The following UROD variants were observed in gnomAD, a reference collection of about 807,000 sequenced individuals.
UROD encodes uroporphyrinogen decarboxylase.
UROD carries 34 observed loss-of-function variants against 47.1 expected under a neutral mutation model. That is an observed-to-expected ratio of 0.72 (90% CI 0.55 to 0.96). UROD has a LOEUF of 0.96. Ranked by LOEUF, UROD falls within the 40% of genes least tolerant of loss-of-function variation. The pLI is 0.00. For missense variants in UROD, 381 were observed against 471.8 expected (o/e 0.81, Z 1.78); for synonymous variants, 148 against 175.8 (o/e 0.84, Z 1.25).
rs748522459 is a variant in UROD at position 45,013,390 on chromosome 1, A to G, written c.276+36A>G. 1.2e-6 allele frequency: 2 copies of G among 1,613,996 alleles called. No individual in the cohort carries two copies. Among genetic ancestry groups the G allele is most frequent in the Admixed American group, 3.3e-5 (2 of 60,024 alleles). On this transcript the variant is annotated intron_variant, in intron 4 of 9. Coordinates refer to ENST00000246337, the MANE Select transcript of UROD (RefSeq NM_000374.5). This position sits in a 1 kb window ranked among gnomAD's most constrained non-coding sequence, Gnocchi z 4.2. ...AAACCTGATCCTAGAATATAATCCA[A>G]GGACGCCTTGAAAATCCTTCTATCA...
chr1:45,014,731 T>C lies in UROD; in HGVS notation c.775-5T>C. 6.2e-7 allele frequency: 1 copy of C among 1,614,216 alleles called. No individual in the cohort carries two copies. Among genetic ancestry groups the C allele is most frequent in the South Asian group, 1.1e-5 (1 of 91,090 alleles). On this transcript the variant is annotated splice_region_variant and splice_polypyrimidine_tract_variant and intron_variant, in intron 7 of 9. Transcript: ENST00000246337. ...CTCTGTAGCCTGAGATCTGCTTTTT[T>C]CTAGATCATCTTTGCTAAGGATGGG...
chr1:45,013,675 C>G lies in UROD; in HGVS notation c.358C>G (p.Arg120Gly), dbSNP rs763913128. 1 of 1,614,170 alleles carries G rather than the reference C, an allele frequency of 6.2e-7. No homozygotes were observed. Among genetic ancestry groups the G allele is most frequent in the Non-Finnish European group, 8.5e-7 (1 of 1,180,040 alleles). Residue 120 changes from arginine to glycine, a missense_variant, in exon 5 of 10, where the codon CGC becomes GGC. Arg to Gly is a moderately radical substitution (Grantham distance 125, BLOSUM62 -2). Transcript: ENST00000246337. The surrounding 1 kb of genome is among the most constrained non-coding windows in gnomAD (Gnocchi z 4.2). ...EPLREEQDLE[R>G]LRDPEVVASE... ...ATTAAGAGAAGAGCAGGACCTAGAA[C>G]GCCTACGGGATCCAGAAGTGGTAGC...
intron 6 of UROD, 27 bp from the exon 7 acceptor site, chr1:45,014,412 T>C (rs1384163659): frequency 1.2e-6 from 2 of 1,613,982 alleles, no homozygotes; most frequent in South Asian, 1.1e-5. Flanking sequence ...GTGTGTTACA[T>C]ATTTTTCTTC....
Position 45,013,609 on chromosome 1 carries a change from G to T in UROD, c.292G>T (p.Val98Leu). The part of the protein sequence containing the change: ...LVVPQALGME[V>L]TMVPGKGPSF... ...CCCCCTCCAGGCACTGGGCATGGAG[G>T]TGACCATGGTACCTGGCAAAGGACC... The change falls in exon 5 of 10, where the codon GTG (valine) becomes TTG (leucine). Residue 98 changes from valine (V) to leucine (L), a missense_variant. By Grantham distance (32) the Val-to-Leu change is conservative. Transcript: ENST00000246337. This position sits in a 1 kb window ranked among gnomAD's most constrained non-coding sequence, Gnocchi z 4.2. 4 of 1,614,120 alleles carry T rather than the reference G, an allele frequency of 2.5e-6. No individual in the cohort carries two copies. Among genetic ancestry groups the T allele is most frequent in the Non-Finnish European group, 3.4e-6 (4 of 1,180,020 alleles).
intron 9 of UROD, 140 bp downstream of exon 9, chr1:45,015,146 C>T (rs1440599890): frequency 6.8e-6 from 10 of 1,471,146 alleles, no homozygotes; most frequent in South Asian, 5.9e-5. Flanking sequence ...AAAGACCGGA[C>T]TTTTTGTTGC....
Position 45,013,560 on chromosome 1 carries a change from A to G in UROD, c.277-34A>G, listed in dbSNP as rs1434630807. ...AACAGAACCTTTCCTCCTGGATTCCATTTTGGGAACCCAGATGTTTTCTCC... is the reference window on the plus strand; with the variant it reads ...AACAGAACCTTTCCTCCTGGATTCCGTTTTGGGAACCCAGATGTTTTCTCC... On this transcript the variant is annotated intron_variant, in intron 4 of 9. Coordinates refer to ENST00000246337, the MANE Select transcript of UROD (RefSeq NM_000374.5). The surrounding 1 kb of genome is among the most constrained non-coding windows in gnomAD (Gnocchi z 4.2). 6.2e-7 allele frequency: 1 copy of G among 1,613,760 alleles called. No individual in the cohort carries two copies. The highest frequency in any genetic ancestry group is 8.5e-7 in the Non-Finnish European group (1 of 1,179,924).
Position 45,013,059 on chromosome 1 carries a change from G to A in UROD, c.133+40G>A, listed in dbSNP as rs757358300. 16 of 1,614,130 alleles carry A rather than the reference G, an allele frequency of 9.9e-6. No homozygotes were observed. The highest frequency in any genetic ancestry group is 2.2e-5 in the East Asian group (1 of 44,886). On this transcript the variant is annotated intron_variant, in intron 2 of 9. Coordinates refer to ENST00000246337, the MANE Select transcript of UROD (RefSeq NM_000374.5). This position sits in a 1 kb window ranked among gnomAD's most constrained non-coding sequence, Gnocchi z 4.2. ...CTGGAAATCTAGATAAAACTCCGGA[G>A]GGAGAAAAGTTTTCGAGGGGCAGGG...
rs756694860 is a variant in UROD at position 45,013,713 on chromosome 1, C to T, written c.396C>T (p.Gly132=). 6.2e-7 allele frequency: 1 copy of T among 1,614,144 alleles called. No homozygotes were observed. Among genetic ancestry groups the T allele is most frequent in the Non-Finnish European group, 8.5e-7 (1 of 1,180,046 alleles). ...CAGAAGTGGTAGCCTCTGAGCTAGG[C>T]TATGTGTTCCAAGCCATCACCCTTA... ...RDPEVVASEL[G]YVFQAITLTR... The change falls in exon 5 of 10, where the codon GGC becomes GGT. Residue 132 remains glycine, a synonymous_variant. Transcript: ENST00000246337. This position sits in a 1 kb window ranked among gnomAD's most constrained non-coding sequence, Gnocchi z 4.2.
chr1:45,013,374 C>T lies in UROD; in HGVS notation c.276+20C>T. 9 of 1,614,140 alleles carry T rather than the reference C, an allele frequency of 5.6e-6. No homozygotes were observed. The highest frequency in any genetic ancestry group is 7.6e-6 in the Non-Finnish European group (9 of 1,180,000). On this transcript the variant is annotated intron_variant, in intron 4 of 9. Transcript: ENST00000246337. This position sits in a 1 kb window ranked among gnomAD's most constrained non-coding sequence, Gnocchi z 4.2. ...CCCCAGGTACCCACTCAAACCTGAT[C>T]CTAGAATATAATCCAAGGACGCCTT...
rs1557734276 is a variant in UROD at position 45,013,406 on chromosome 1, CCTT to C, written c.276+55_276+57del. On this transcript the variant is annotated intron_variant, in intron 4 of 9. Coordinates refer to ENST00000246337, the MANE Select transcript of UROD (RefSeq NM_000374.5). This position sits in a 1 kb window ranked among gnomAD's most constrained non-coding sequence, Gnocchi z 4.2. ...TATAATCCAAGGACGCCTTGAAAAT[CCTT>C]CTATCAGTCCAGTCAAGGTTTACAA... 5 of 1,612,788 alleles carry C rather than the reference CCTT, an allele frequency of 3.1e-6. No homozygotes were observed. Among genetic ancestry groups the C allele is most frequent in the East Asian group, 2.2e-5 (1 of 44,882 alleles).
In UROD at chr1:45,012,299, A is replaced by T; in HGVS notation, c.20+14A>T. 1 of 1,614,126 alleles carries T rather than the reference A, an allele frequency of 6.2e-7. No homozygotes were observed. Among genetic ancestry groups the T allele is most frequent in the Non-Finnish European group, 8.5e-7 (1 of 1,180,018 alleles). ...GAATGGGTTGGGGTGAGTTCTCCAG[A>T]GCACGCGGTGTGGCTAGCCGGGCTT... On this transcript the variant is annotated intron_variant, in intron 1 of 9. Coordinates refer to ENST00000246337, the MANE Select transcript of UROD (RefSeq NM_000374.5).
At chr1:45,012,602 A>T in intron 1 of UROD, 1 of 618,038 alleles carries the variant, frequency 1.6e-6, no homozygotes, top group Non-Finnish European at 2.8e-6. Context: ...GAGGCTCACT[A>T]GTTCGAAGAC....
At position 45,013,223 on chromosome 1, in the gene UROD, G is replaced by T. The variant is rs1346280030; in HGVS notation, c.213+8G>T. ...TGTGAACTGACTCTGCAGGTGAGGG[G>T]TCCACAAAAGAGGGAAAGATTTATG... On this transcript the variant is annotated splice_region_variant and intron_variant, in intron 3 of 9. Transcript: ENST00000246337. The surrounding 1 kb of genome is among the most constrained non-coding windows in gnomAD (Gnocchi z 4.2). 1.9e-6 allele frequency: 3 copies of T among 1,614,088 alleles called. No homozygotes were observed. The highest frequency in any genetic ancestry group is 2.5e-6 in the Non-Finnish European group (3 of 1,180,046).
chr1:45,015,036 T>C (rs1276624622), intron 9 of UROD, 30 bp downstream of exon 9: 1 of 1,612,720 alleles, frequency 6.2e-7, no homozygotes, highest in East Asian at 2.2e-5. Flanking sequence ...TGTGTGTCTG[T>C]TACTGTGCAC....
At position 45,013,874 on chromosome 1, in the gene UROD, G is replaced by A. The variant is rs762628625; in HGVS notation, c.475-35G>A. ...GGTAGACAAAAGGAAGGGTCAGTCTGGCTTCTGTGACACCATCTTTCTATC... is the reference window on the plus strand; with the variant it reads ...GGTAGACAAAAGGAAGGGTCAGTCTAGCTTCTGTGACACCATCTTTCTATC... On this transcript the variant is annotated intron_variant, in intron 5 of 9. Transcript: ENST00000246337. This position sits in a 1 kb window ranked among gnomAD's most constrained non-coding sequence, Gnocchi z 4.2. 11 of 1,614,116 alleles carry A rather than the reference G, an allele frequency of 6.8e-6. No individual in the cohort carries two copies. The highest frequency in any genetic ancestry group is 1.7e-5 in the Admixed American group (1 of 60,010).
chr1:45,013,298 C>T lies in UROD; in HGVS notation c.220C>T (p.Arg74Cys), dbSNP rs1244973056. The T allele has an allele frequency of 5.6e-6, 9 of 1,614,080 alleles. No individual in the cohort carries two copies. Among genetic ancestry groups the T allele is most frequent in the African/African-American group, 1.3e-5 (1 of 74,932 alleles). ...ACCELTLQPL[R>C]RFPLDAAIIF... ...TGTCTCCTGTTTCCTACAGCCACTGCGTCGCTTCCCTCTGGATGCTGCCAT... is the reference window on the plus strand; with the variant it reads ...TGTCTCCTGTTTCCTACAGCCACTGTGTCGCTTCCCTCTGGATGCTGCCAT... Residue 74 changes from arginine (R) to cysteine (C), a missense_variant, in exon 4 of 10, where the codon CGT becomes TGT. Coordinates refer to ENST00000246337, the MANE Select transcript of UROD (RefSeq NM_000374.5). This position sits in a 1 kb window ranked among gnomAD's most constrained non-coding sequence, Gnocchi z 4.2.
chr1:45,014,139 A>C, intron 6 of UROD, 69 bp downstream of exon 6: 1 of 1,608,432 alleles, frequency 6.2e-7, no homozygotes, highest in Non-Finnish European at 8.5e-7. Flanking sequence ...GAGTGTCCTA[A>C]ACCTGAGAGG....
In UROD at chr1:45,014,944, T is replaced by C; in HGVS notation, c.880T>C (p.Cys294Arg). The change falls in exon 9 of 10, where the codon TGT becomes CGT. Residue 294 changes from cysteine to arginine, a missense_variant. Transcript: ENST00000246337. The stretch of plus-strand genomic sequence containing the variant: ...TGGCGCTGGCTTTGCTTCCAGGGAG[T>C]GTGTGGGGAAGACGGTGACATTGCA... ...WTVAPKKARE[C>R]VGKTVTLQGN... The C allele has an allele frequency of 1.2e-6, 2 of 1,613,572 alleles. No individual in the cohort carries two copies. The highest frequency in any genetic ancestry group is 1.7e-6 in the Non-Finnish European group (2 of 1,179,906).
At position 45,013,346 on chromosome 1, in the gene UROD, G is replaced by A; in HGVS notation, c.268G>A (p.Val90Ile). 6.2e-7 allele frequency: 1 copy of A among 1,614,096 alleles called. No homozygotes were observed. Among genetic ancestry groups the A allele is most frequent in the Non-Finnish European group, 8.5e-7 (1 of 1,180,026 alleles). ...AAIIFSDILVVPQALGMEVTM... is the reference protein window; with the variant it reads ...AAIIFSDILVIPQALGMEVTM... ...CATCATTTTCTCCGACATCCTTGTTGTACCCCAGGTACCCACTCAAACCTG... is the reference window on the plus strand; with the variant it reads ...CATCATTTTCTCCGACATCCTTGTTATACCCCAGGTACCCACTCAAACCTG... The change falls in exon 4 of 10, where the codon GTA becomes ATA. Residue 90 changes from valine to isoleucine, a missense_variant. Val to Ile is a conservative substitution (Grantham distance 29). Transcript: ENST00000246337. The surrounding 1 kb of genome is among the most constrained non-coding windows in gnomAD (Gnocchi z 4.2).
Sources: gnomAD v4.1 joint callset for allele counts on GRCh38, gnomAD v4.1.1 for gene constraint, Gnocchi (gnomAD v3.1) non-coding constraint, MANE v1.5 for transcripts, NCBI Gene and HGNC (gene_info 2026-07-23, HGNC 2026-07-21) for gene names.